The following UNC13C variants were observed in gnomAD, a reference collection of about 807,000 sequenced individuals.
UNC13C encodes unc-13 homolog C.
A neutral mutation model predicts 245.4 loss-of-function variants in UNC13C; 174 were observed. The observed-to-expected ratio is 0.71, with a 90% CI of 0.63 to 0.80. The LOEUF is 0.80. UNC13C is among the 30% of genes least tolerant of loss of function. The pLI is 0.00. For synonymous variants in UNC13C, 992 were observed against 895.1 expected (o/e 1.11, Z -1.93); for missense variants, 2,829 against 2,602.9 (o/e 1.09, Z -1.89).
intron 2 of UNC13C, among the ~76,000 whole-genome samples, chr15:54,136,515 T>C (rs1158472378): frequency 1.3e-5 from 2 of 152,132 alleles, no homozygotes; most frequent in Non-Finnish European, 2.9e-5. Context: ...TCTTCATTTT[T>C]TTATTTAGAT....
the UNC13C span, among the ~76,000 whole-genome samples, chr15:53,934,221 C>G: frequency 1.3e-5 from 2 of 152,168 alleles, no homozygotes; most frequent in African/African-American, 2.4e-5. Context: ...CCCCCATGAT[C>G]CAGTCACTTC....
At chr15:54,607,538 A>G (rs547862150) in intron 30 of UNC13C, among the ~76,000 whole-genome samples, 1 of 152,254 alleles carries the variant, frequency 6.6e-6, no homozygotes, top group South Asian at 2.1e-4. Flanking sequence ...TATTTTTTAA[A>G]TGTTTCAGAC....
intron 7 of UNC13C, among the ~76,000 whole-genome samples, chr15:54,240,195 C>T (rs952452794): frequency 2.8e-4 from 43 of 152,000 alleles, no homozygotes; most frequent in Admixed American, 2.6e-4. Flanking sequence ...AATGGATGAA[C>T]AGAATCCATC....
chr15:54,334,479 A>G (rs1858353), intron 16 of UNC13C, among the ~76,000 whole-genome samples: 38,906 of 151,952 alleles, frequency 0.26, 5,349 homozygotes, highest in Admixed American at 0.34. Flanking sequence ...TAAAATATAC[A>G]CTCTTTGAAA....
At chr15:54,545,685 C>T (rs1034417507) in intron 26 of UNC13C, among the ~76,000 whole-genome samples, 20 of 152,040 alleles carry the variant, frequency 1.3e-4, no homozygotes, top group Admixed American at 3.3e-4. Context: ...GACATTTATG[C>T]GGCTAACAAA....
At chr15:54,053,213 G>A (rs1897348302) in intron 2 of UNC13C, among the ~76,000 whole-genome samples, 1 of 151,440 alleles carries the variant, frequency 6.6e-6, no homozygotes, top group Non-Finnish European at 1.5e-5. Flanking sequence ...TTTATTTTTA[G>A]TAGACATCTG....
chr15:54,285,533 G>A (rs1300160837), intron 10 of UNC13C, among the ~76,000 whole-genome samples: 1 of 152,178 alleles, frequency 6.6e-6, no homozygotes, highest in Non-Finnish European at 1.5e-5. Context: ...CAGAGTTTAA[G>A]GAATTAAGCT....
At position 54,156,662 on chromosome 15, in the gene UNC13C, T is replaced by C. The variant is rs564485675; in HGVS notation, c.3071+12978T>C. Among the ~76,000 whole-genome samples, 5 of 152,030 alleles carry C rather than the reference T, an allele frequency of 3.3e-5. No homozygotes were observed. The South Asian group carries it at 1.0e-3, about 32-fold the overall frequency. Reference sequence around the variant, plus strand: ...ATCCTTTCCAGGCTAGAGCTGAGACTCAGATTTGTCCAGTGTGACATCTGC... The same window carrying C: ...ATCCTTTCCAGGCTAGAGCTGAGACCCAGATTTGTCCAGTGTGACATCTGC... On this transcript the variant is annotated intron_variant, in intron 4 of 32. Transcript: ENST00000260323.
At chr15:54,231,239 C>A (rs1412911974) in intron 4 of UNC13C, among the ~76,000 whole-genome samples, 1 of 151,998 alleles carries the variant, frequency 6.6e-6, no homozygotes, top group African/African-American at 2.4e-5. Flanking sequence ...TTCTTCTTAG[C>A]AAAATGCTTA....
chr15:53,910,621 G>C, the UNC13C span: 9 of 145,578 alleles, frequency 6.2e-5, 1 homozygote, highest in Non-Finnish European at 1.4e-4. Flanking sequence ...CGGCTTGATC[G>C]TGCCCAGAGA....
chr15:54,364,069 C>G (rs190906940), intron 17 of UNC13C, among the ~76,000 whole-genome samples: 177 of 152,194 alleles, frequency 1.2e-3, no homozygotes, highest in African/African-American at 4.1e-3. Context: ...ATTGGAAACT[C>G]CAGCTTGACC....
intron 1 of UNC13C, among the ~76,000 whole-genome samples, chr15:53,980,778 G>A (rs1595674357): frequency 6.6e-6 from 1 of 152,166 alleles, no homozygotes; most frequent in Non-Finnish European, 1.5e-5. Context: ...ACGAGGTAAA[G>A]TGTTAGCAAA....
At chr15:53,864,235 T>G in the UNC13C span, among the ~76,000 whole-genome samples, 20,001 of 152,126 alleles carry the variant, frequency 0.13, 1,498 homozygotes, top group Admixed American at 0.21. Context: ...GAAAACTGAC[T>G]GAAAATATGT....
At chr15:53,889,478 T>C in the UNC13C span, among the ~76,000 whole-genome samples, 1 of 152,210 alleles carries the variant, frequency 6.6e-6, no homozygotes, top group African/African-American at 2.4e-5. Flanking sequence ...TTTCTAAATA[T>C]ACAATCATGT....
At chr15:53,956,194 G>T in the UNC13C span, among the ~76,000 whole-genome samples, 5 of 152,098 alleles carry the variant, frequency 3.3e-5, no homozygotes, top group African/African-American at 1.2e-4. Context: ...GAGGAGAGGG[G>T]CAAGGGTTGA....
In UNC13C at chr15:54,627,071, A is replaced by G. The variant is rs1376029061; in HGVS notation, c.6603A>G (p.Val2201=). Residue 2201 remains valine (V), a synonymous_variant, in exon 33 of 33, where the codon GTA becomes GTG. Transcript: ENST00000260323. The part of the protein sequence containing the change: ...RTSDDVAKEF[V]RLKSETRSTE... ...GTGATGATGTGGCTAAAGAATTTGT[A>G]AGACTTAAATCTGAAACAAGATCTA... The G allele has an allele frequency of 1.2e-6, 2 of 1,612,800 alleles. No individual in the cohort carries two copies. The highest frequency in any genetic ancestry group is 1.7e-6 in the Non-Finnish European group (2 of 1,179,386).
chr15:54,454,346 G>A (rs1481926997), intron 19 of UNC13C, among the ~76,000 whole-genome samples: 1 of 152,038 alleles, frequency 6.6e-6, no homozygotes, highest in Non-Finnish European at 1.5e-5. Context: ...GGAGGCCAAA[G>A]CAGGCAGATG....
At chr15:54,271,493 G>C (rs1049933531) in intron 10 of UNC13C, among the ~76,000 whole-genome samples, 4 of 152,156 alleles carry the variant, frequency 2.6e-5, no homozygotes, top group Non-Finnish European at 5.9e-5. Context: ...GAGTTATAGA[G>C]AGAAAATGCC....
chr15:54,618,840 C>G (rs1900618115), intron 30 of UNC13C, among the ~76,000 whole-genome samples: 1 of 152,110 alleles, frequency 6.6e-6, no homozygotes, highest in Non-Finnish European at 1.5e-5. Flanking sequence ...GGGAGCCAAA[C>G]TGTGCAAAGT....
Sources: gnomAD v4.1 joint callset for allele counts (sites outside exome capture counted in the v4.1 genomes callset) on GRCh38, gnomAD v4.1.1 for gene constraint, MANE v1.5 for transcripts, NCBI Gene and HGNC (gene_info 2026-07-23, HGNC 2026-07-21) for gene names.